Variants in ZNF468 observed in about 807,000 individuals in gnomAD.
ZNF468 encodes zinc finger protein ZNF468.
ZNF468 carries 8 observed loss-of-function variants against 7.2 expected under a neutral mutation model. The ratio of observed to expected loss-of-function variants is 1.11; its 90% CI spans 0.65 to 2.01. The LOEUF is 2.01. Ranked by LOEUF, ZNF468 falls within the 30% of genes most tolerant of loss-of-function variation. The pLI is 0.00. For synonymous variants in ZNF468, 218 were observed against 214.4 expected (o/e 1.02, Z -0.15); for missense variants, 608 against 626.5 (o/e 0.97, Z 0.31).
intron 1 of ZNF468, among the ~76,000 whole-genome samples, chr19:52,856,384 C>T (rs1307896115): frequency 1.3e-5 from 2 of 151,902 alleles, no homozygotes; most frequent in African/African-American, 4.8e-5. Context: ...AGCTGGGCTC[C>T]ATCCTTGCAA....
chr19:52,839,796 T>C lies in ZNF468; in HGVS notation c.*929A>G. Reference sequence around the variant, plus strand: ...TCAATCATGACATTTATAAGGTTTCTCTCCAGCATGAGTTCACCAGTGAAA... The same window carrying C: ...TCAATCATGACATTTATAAGGTTTCCCTCCAGCATGAGTTCACCAGTGAAA... On this transcript the variant is annotated 3_prime_UTR_variant, in exon 4 of 4. Coordinates refer to ENST00000595646, the MANE Select transcript of ZNF468 (RefSeq NM_001008801.2). 2.0e-6 allele frequency: 1 copy of C among 498,886 alleles called. No homozygotes were observed. Among genetic ancestry groups the C allele is most frequent in the Non-Finnish European group, 3.9e-6 (1 of 254,226 alleles). 30.9% of individuals were successfully genotyped at this position (498,886 alleles called of 1,614,324 possible).
chr19:52,853,500 C>A (rs1316375979), intron 2 of ZNF468, among the ~76,000 whole-genome samples: 1 of 152,048 alleles, frequency 6.6e-6, no homozygotes, highest in Non-Finnish European at 1.5e-5. Flanking sequence ...GCCAGCCTGG[C>A]CAGCATGCTG....
intron 2 of ZNF468, among the ~76,000 whole-genome samples, chr19:52,850,141 T>C (rs1377281956): frequency 6.6e-6 from 1 of 152,110 alleles, no homozygotes; most frequent in African/African-American, 2.4e-5. Flanking sequence ...TGTATGTACA[T>C]ATATAAAGTT....
At chr19:52,851,499 C>T (rs2063389651) in intron 2 of ZNF468, among the ~76,000 whole-genome samples, 1 of 152,104 alleles carries the variant, frequency 6.6e-6, no homozygotes, top group South Asian at 2.1e-4. Flanking sequence ...ACTGCTTGAA[C>T]TGGGAAGGCA....
rs2063270314 is a variant in ZNF468 at position 52,838,891 on chromosome 19, T to C, written c.*1834A>G. ...TGGAAAAATGAATATCGCTCAATGA[T>C]TATATACTCAATTGTGATTTAGATT... is the stretch of plus-strand genomic sequence containing the variant. On this transcript the variant is annotated 3_prime_UTR_variant, in exon 4 of 4. Transcript: ENST00000595646. 6.6e-6 allele frequency: 1 copy of C among 152,092 alleles called. No homozygotes were observed. The highest frequency in any genetic ancestry group is 2.1e-4 in the South Asian group (1 of 4,806). The allele number at this position is 152,092 out of a possible 1,614,324, so 9.4% of individuals were successfully genotyped here. A position where few individuals can be genotyped will look rare whatever the true frequency, so the allele number is the denominator to read the frequency against.
At chr19:52,845,871 C>G (rs554031104) in intron 3 of ZNF468, among the ~76,000 whole-genome samples, 1 of 151,820 alleles carries the variant, frequency 6.6e-6, no homozygotes, top group Non-Finnish European at 1.5e-5. Context: ...GCTGTGGTGG[C>G]GCATGCCTGT....
At chr19:52,851,646 T>C (rs2063390755) in intron 2 of ZNF468, among the ~76,000 whole-genome samples, 1 of 150,074 alleles carries the variant, frequency 6.7e-6, no homozygotes, top group Non-Finnish European at 1.5e-5. Context: ...GAGGCAGAGG[T>C]CAGGATGGCT....
chr19:52,839,733 T>C lies in ZNF468; in HGVS notation c.*992A>G, dbSNP rs1274366859. On this transcript the variant is annotated 3_prime_UTR_variant, in exon 4 of 4. Coordinates refer to ENST00000595646, the MANE Select transcript of ZNF468 (RefSeq NM_001008801.2). ...TTTCTCTCCTGTATGAATCCTCCTA[T>C]GTTTTGCATAGGATGAAGCTTGACT... 1.9e-6 allele frequency: 1 copy of C among 518,908 alleles called. No individual in the cohort carries two copies. The highest frequency in any genetic ancestry group is 1.9e-5 in the African/African-American group (1 of 51,604). 32.1% of individuals were successfully genotyped at this position (518,908 alleles called of 1,614,324 possible).
intron 3 of ZNF468, among the ~76,000 whole-genome samples, chr19:52,843,025 G>A (rs1371098950): frequency 6.7e-6 from 1 of 148,618 alleles, no homozygotes; most frequent in Non-Finnish European, 1.5e-5. Flanking sequence ...GGAGGCTGAG[G>A]TATGATAATC....
intron 1 of ZNF468, 73 bp from the exon 2 acceptor site, chr19:52,854,418 T>A: frequency 2.8e-6 from 4 of 1,422,148 alleles, no homozygotes; most frequent in East Asian, 2.4e-5. Flanking sequence ...GACACAAACA[T>A]AGGAGACCTC....
At chr19:52,843,679 G>A (rs2063322707) in intron 3 of ZNF468, among the ~76,000 whole-genome samples, 2 of 152,068 alleles carry the variant, frequency 1.3e-5, no homozygotes, top group Non-Finnish European at 2.9e-5. Context: ...CATTTATACA[G>A]ACTGAAGAAT....
chr19:52,842,002 C>G lies in ZNF468; in HGVS notation c.292G>C (p.Glu98Gln), dbSNP rs147901953. The change falls in exon 4 of 4, where the codon GAG (glutamate) becomes CAG (glutamine). Residue 98 changes from glutamate (E) to glutamine (Q), a missense_variant. Coordinates refer to ENST00000595646, the MANE Select transcript of ZNF468 (RefSeq NM_001008801.2). The part of the protein sequence containing the change: ...HEIEKDIHGF[E>Q]FQWKEDETNG... ...GTTTCATCTTCTTTCCACTGAAACT[C>G]GAAGCCATGAATGTCTTTCTCAATT... 15 of 1,613,726 alleles carry G rather than the reference C, an allele frequency of 9.3e-6. No individual in the cohort carries two copies. The East Asian group carries it at 2.0e-4, about 22-fold the overall frequency.
chr19:52,850,559 C>A (rs1039483702), intron 2 of ZNF468, among the ~76,000 whole-genome samples: 2 of 152,016 alleles, frequency 1.3e-5, no homozygotes, highest in Non-Finnish European at 2.9e-5. Flanking sequence ...ACAGACACTG[C>A]AGTCTACTTG....
chr19:52,842,892 G>A (rs2063316837), intron 3 of ZNF468, among the ~76,000 whole-genome samples: 1 of 149,424 alleles, frequency 6.7e-6, no homozygotes. Context: ...CGGAGGCCGA[G>A]GAAGGTGGAT....
chr19:52,850,231 G>A (rs1185959849), intron 2 of ZNF468, among the ~76,000 whole-genome samples: 1 of 152,134 alleles, frequency 6.6e-6, no homozygotes, highest in African/African-American at 2.4e-5. Context: ...TTTGGCAGTT[G>A]TGGGCAGGGG....
chr19:52,853,616 A>G (rs1314213525), intron 2 of ZNF468, among the ~76,000 whole-genome samples: 10,676 of 119,948 alleles, frequency 0.089, no homozygotes, highest in African/African-American at 0.14. Flanking sequence ...ACTTGAACCC[A>G]GGAGGCGGAG....
Position 52,843,296 on chromosome 19 carries a change from C to T in ZNF468, c.143-1145G>A, listed in dbSNP as rs986406674. On this transcript the variant is annotated intron_variant, in intron 3 of 3. Coordinates refer to ENST00000595646, the MANE Select transcript of ZNF468 (RefSeq NM_001008801.2). Reference sequence around the variant, plus strand: ...TCACCCAGGCTGGAATGCGATGGCACGATCTTGGCTCACTGCAACCTCCAC... The same window carrying T: ...TCACCCAGGCTGGAATGCGATGGCATGATCTTGGCTCACTGCAACCTCCAC... 9.2e-5 allele frequency among the ~76,000 whole-genome samples: 14 copies of T among 152,106 alleles called. No individual in the cohort carries two copies. In the East Asian group the frequency reaches 1.5e-3, roughly 17 times the overall value.
chr19:52,840,765 A>G lies in ZNF468; in HGVS notation c.1529T>C (p.Leu510Pro). 1 of 1,613,678 alleles carries G rather than the reference A, an allele frequency of 6.2e-7. No homozygotes were observed. The highest frequency in any genetic ancestry group is 8.5e-7 in the Non-Finnish European group (1 of 1,179,762). The change falls in exon 4 of 4, where the codon CTT (leucine) becomes CCT (proline). Residue 510 changes from leucine (L) to proline (P), a missense_variant. Coordinates refer to ENST00000595646, the MANE Select transcript of ZNF468 (RefSeq NM_001008801.2). ...CGKTFSQMSS[L>P]VYHHRLHSGE... is the part of the protein sequence containing the mutation. ...ACTATGAAGCCTATGATGGTATACA[A>G]GGGATGACATCTGACTGAAGGTCTT...
chr19:52,849,676 G>C lies in ZNF468; in HGVS notation c.16-463C>G, dbSNP rs115198755. 5.5e-3 allele frequency: 976 copies of C among 178,296 alleles called. 10 individuals carry two copies. The highest frequency in any genetic ancestry group is 0.022 in the African/African-American group (917 of 40,898). The allele number at this position is 178,296 out of a possible 1,614,324, so 11.0% of individuals were successfully genotyped here. A position where few individuals can be genotyped will look rare whatever the true frequency, so the allele number is the denominator to read the frequency against. On this transcript the variant is annotated intron_variant, in intron 2 of 3. Transcript: ENST00000595646. Reference sequence around the variant, plus strand: ...AATCACTTGATCCTGGAAGGCACAGGTTGCAGTGATCCCAGATCGCATCAC... The same window carrying C: ...AATCACTTGATCCTGGAAGGCACAGCTTGCAGTGATCCCAGATCGCATCAC...
Sources: allele counts gnomAD v4.1 joint callset (sites outside exome capture counted in the v4.1 genomes callset), GRCh38; gene constraint gnomAD v4.1.1; transcripts MANE v1.5; gene names NCBI Gene and HGNC (gene_info 2026-07-23, HGNC 2026-07-21).